CLIC5: variants seen among roughly 807,000 people sequenced by gnomAD.
CLIC5 encodes the protein CLIC family member 5, also known as chloride intracellular channel protein 5.
In CLIC5, 20 loss-of-function variants were observed where a neutral mutation model predicts 24.7. The ratio of observed to expected loss-of-function variants is 0.81; its 90% CI spans 0.57 to 1.18. CLIC5 has a LOEUF of 1.18. Among genes scored for constraint, CLIC5 ranks in the 50% most tolerant of loss-of-function variants. The pLI, the probability that CLIC5 is intolerant of heterozygous loss-of-function variation, is 0.00. For synonymous variants in CLIC5, 159 were observed against 135.6 expected (o/e 1.17, Z -1.20); for missense variants, 341 against 326.1 (o/e 1.05, Z -0.35).
downstream of CLIC5, among the ~76,000 whole-genome samples, chr6:45,893,838 T>A (rs1009643756): frequency 6.6e-6 from 1 of 152,188 alleles, no homozygotes; most frequent in Non-Finnish European, 1.5e-5. Context: ...TGACCTAAAA[T>A]GGTAATCCTT....
At chr6:46,026,506 C>T (rs1319509909) in intron 1 of CLIC5, among the ~76,000 whole-genome samples, 3 of 152,126 alleles carry the variant, frequency 2.0e-5, no homozygotes, top group African/African-American at 7.2e-5. Flanking sequence ...CTCAACTGTG[C>T]AATCTTTTAT....
At chr6:46,054,337 A>T (rs1555215) in intron 1 of CLIC5, among the ~76,000 whole-genome samples, 11 of 151,850 alleles carry the variant, frequency 7.2e-5, no homozygotes, top group Non-Finnish European at 1.5e-4. Flanking sequence ...GACCTTGCAA[A>T]GTCCCTGTTT....
intron 4 of CLIC5, among the ~76,000 whole-genome samples, chr6:45,922,398 A>G (rs558278290): frequency 3.3e-5 from 5 of 152,210 alleles, no homozygotes; most frequent in Non-Finnish European, 7.3e-5. Context: ...TTCTCCACAT[A>G]GCTGCTTCCC....
upstream of CLIC5, among the ~76,000 whole-genome samples, chr6:46,080,583 T>C (rs1224692458): frequency 1.3e-5 from 2 of 152,204 alleles, no homozygotes; most frequent in Non-Finnish European, 2.9e-5. Flanking sequence ...TGGTATACAC[T>C]GAAATTTTGA....
chr6:46,009,462 TAG>T (rs1202601985), intron 1 of CLIC5, among the ~76,000 whole-genome samples: 1 of 152,038 alleles, frequency 6.6e-6, no homozygotes, highest in Non-Finnish European at 1.5e-5. Context: ...ACACCCTGGG[TAG>T]AGAGAGTCCT....
At chr6:46,060,980 C>T (rs1211623492) in intron 1 of CLIC5, among the ~76,000 whole-genome samples, 1 of 152,198 alleles carries the variant, frequency 6.6e-6, no homozygotes, top group Non-Finnish European at 1.5e-5. Context: ...CTTGCAGTAT[C>T]TGCACATTAG....
At chr6:46,066,762 G>A (rs1010734535) in intron 1 of CLIC5, among the ~76,000 whole-genome samples, 1 of 152,136 alleles carries the variant, frequency 6.6e-6, no homozygotes, top group Non-Finnish European at 1.5e-5. Flanking sequence ...AGGCACTGAG[G>A]GAGAATACCT....
At chr6:46,080,349 A>G (rs116441542), upstream of CLIC5, 248 of 898,074 alleles carry the variant, frequency 2.8e-4, no homozygotes, top group Non-Finnish European at 4.0e-4. Flanking sequence ...ACGAGCTCTT[A>G]AAAGGCAGCA....
chr6:45,893,084 G>A (rs1762366674), intron 6 of CLIC5, among the ~76,000 whole-genome samples: 1 of 152,140 alleles, frequency 6.6e-6, no homozygotes, highest in Non-Finnish European at 1.5e-5. Context: ...TTCGGATGTT[G>A]AACTTGGCCC....
intron 1 of CLIC5, among the ~76,000 whole-genome samples, chr6:46,075,738 A>T (rs911686792): frequency 2.0e-5 from 3 of 152,214 alleles, no homozygotes; most frequent in African/African-American, 7.2e-5. Context: ...ATTAAACAAA[A>T]TACTAGAATG....
At chr6:45,932,361 C>T (rs943691759) in intron 4 of CLIC5, among the ~76,000 whole-genome samples, 5 of 152,236 alleles carry the variant, frequency 3.3e-5, no homozygotes, top group Non-Finnish European at 7.3e-5. Flanking sequence ...CCTGCCTTGG[C>T]CTCCCAAAGT....
chr6:45,983,026 G>A (rs965302402), intron 1 of CLIC5, among the ~76,000 whole-genome samples: 1 of 152,184 alleles, frequency 6.6e-6, no homozygotes, highest in African/African-American at 2.4e-5. Context: ...TTTATGAGCT[G>A]CACAGGGAAA....
chr6:46,125,327 C>G, the CLIC5 span, among the ~76,000 whole-genome samples: 7 of 151,930 alleles, frequency 4.6e-5, no homozygotes, highest in African/African-American at 1.7e-4. Flanking sequence ...ATCGCAAGGA[C>G]AAAAAACCAA....
chr6:46,073,683 T>C (rs1473277349), intron 1 of CLIC5, among the ~76,000 whole-genome samples: 1 of 152,230 alleles, frequency 6.6e-6, no homozygotes, highest in East Asian at 1.9e-4. Context: ...TAGTTTGCAG[T>C]GAAAGGCAGC....
chr6:45,972,195 T>G (rs998151274), intron 1 of CLIC5, among the ~76,000 whole-genome samples: 2 of 152,170 alleles, frequency 1.3e-5, no homozygotes, highest in African/African-American at 4.8e-5. Flanking sequence ...AGATGTGTTT[T>G]CTCTCTATCT....
At chr6:46,016,139 G>C (rs914135400), upstream of CLIC5, among the ~76,000 whole-genome samples, 2 of 121,410 alleles carry the variant, frequency 1.6e-5, no homozygotes, top group African/African-American at 6.7e-5. Flanking sequence ...GGAAGAGGAA[G>C]GGGAAAGGGG....
chr6:45,942,413 T>C (rs1038312364), intron 3 of CLIC5, among the ~76,000 whole-genome samples: 1 of 152,178 alleles, frequency 6.6e-6, no homozygotes, highest in African/African-American at 2.4e-5. Flanking sequence ...AACTTGCTCA[T>C]GTGGGAACCC....
intron 1 of CLIC5, among the ~76,000 whole-genome samples, chr6:45,987,980 C>T (rs934893057): frequency 6.6e-6 from 1 of 152,168 alleles, no homozygotes; most frequent in African/African-American, 2.4e-5. Context: ...GCATTTATTC[C>T]ACCCCAACAG....
In CLIC5 at chr6:45,910,657, C is replaced by T. The variant is rs183280512; in HGVS notation, c.588+3571G>A. On this transcript the variant is annotated intron_variant, in intron 5 of 5. Transcript: ENST00000339561. ...CTACATAGCTGATAAAGCAATGGGT[C>T]GGTCTACTCAGAATCCCTCATGTTC... 3.1e-4 allele frequency among the ~76,000 whole-genome samples: 47 copies of T among 152,296 alleles called. 1 individual carries two copies. In the East Asian group the frequency reaches 6.0e-3, roughly 19 times the overall value.
Sources: allele counts gnomAD v4.1 joint callset (sites outside exome capture counted in the v4.1 genomes callset), GRCh38; gene constraint gnomAD v4.1.1; transcripts MANE v1.5; gene names NCBI Gene and HGNC (gene_info 2026-07-23, HGNC 2026-07-21).